The following CERS4 variants were observed in gnomAD, a reference collection of about 807,000 sequenced individuals.
CERS4 encodes ceramide synthase 4, also known as LAG1 homolog, ceramide synthase 4.
A neutral mutation model predicts 51.8 loss-of-function variants in CERS4; 65 were observed. The ratio of observed to expected loss-of-function variants is 1.26; its 90% confidence interval spans 1.03 to 1.54. CERS4 has a LOEUF of 1.54. CERS4 is among the 40% of genes most tolerant of loss of function. CERS4 has a pLI of 0.00. For missense variants in CERS4, 563 were observed against 500.4 expected, an observed-to-expected ratio of 1.13 and a Z score of -1.19; for synonymous variants, 228 against 208.4, an observed-to-expected ratio of 1.09 and a Z score of -0.81.
chr19:8,234,077 C>T (rs139702619), intron 2 of CERS4, among the ~76,000 whole-genome samples: 5,804 of 151,802 alleles, frequency 0.038, 364 homozygotes, highest in African/African-American at 0.13. Context: ...GAGGCCGAGG[C>T]GGGCGGATCA....
At chr19:8,241,874 G>A (rs1968553520) in intron 2 of CERS4, among the ~76,000 whole-genome samples, 1 of 152,158 alleles carries the variant, frequency 6.6e-6, no homozygotes, top group South Asian at 2.1e-4. Context: ...TGGGACAACT[G>A]AGGCCCAGGA....
At chr19:8,242,049 T>C (rs1055515717) in intron 2 of CERS4, among the ~76,000 whole-genome samples, 7 of 152,154 alleles carry the variant, frequency 4.6e-5, no homozygotes, top group African/African-American at 1.7e-4. Flanking sequence ...CCCTCCCATA[T>C]GCCAGACTCT....
intron 10 of CERS4, among the ~76,000 whole-genome samples, chr19:8,259,727 G>A (rs1188405177): frequency 6.6e-6 from 1 of 152,118 alleles, no homozygotes; most frequent in Admixed American, 6.5e-5. Flanking sequence ...GAGGAGACAT[G>A]GAGAAGGCAG....
At chr19:8,240,799 TCTCA>T (rs895989216) in intron 2 of CERS4, among the ~76,000 whole-genome samples, 13 of 152,208 alleles carry the variant, frequency 8.5e-5, no homozygotes, top group East Asian at 1.9e-4. Context: ...AACCAGTCCT[TCTCA>T]CTCAGACCCC....
rs1209757619 is a variant in CERS4, at chr19:8,254,578, G to C, written c.253G>C (p.Glu85Gln). 1 of 1,612,918 alleles carries C rather than the reference G, an allele frequency of 6.2e-7. No homozygotes were observed. Among genetic ancestry groups the C allele is most frequent in the South Asian group, 1.1e-5 (1 of 90,862 alleles). The change falls in exon 4 of 12, where the codon GAG becomes CAG. Residue 85 changes from glutamate to glutamine, a missense_variant. By Grantham distance (29) the Glu-to-Gln change is conservative (BLOSUM62 2). Transcript: ENST00000251363. ...RRQVKPNATLEKHFLTEGHRP... is the reference protein window; with the variant it reads ...RRQVKPNATLQKHFLTEGHRP... ...GCAAGTGAAGCCCAACGCCACGCTG[G>C]AGAAACACTTCCTCACGGAAGGGCA... is the stretch of plus-strand genomic sequence containing the variant.
chr19:8,233,992 G>GC (rs1039939098), intron 2 of CERS4, among the ~76,000 whole-genome samples: 40 of 151,408 alleles, frequency 2.6e-4, no homozygotes, highest in Middle Eastern at 3.5e-3. Flanking sequence ...TCCAGCCTGA[G>GC]CAACAGAGAC....
Position 8,246,337 on chromosome 19 carries a change from C to G in CERS4, c.-1-4739C>G, listed in dbSNP as rs185569397. Among the ~76,000 whole-genome samples, 12 of 151,954 alleles carry G rather than the reference C, an allele frequency of 7.9e-5. No homozygotes were observed. The East Asian group carries it at 2.3e-3, about 30-fold the overall frequency. ...CTTCGGGAGGCCAAGGCGGGAGGAT[C>G]GCTTGAGCCAGGGGTTTGAGACCAG... is the stretch of plus-strand genomic sequence containing the variant. On this transcript the variant is annotated intron_variant, in intron 2 of 11. Transcript: ENST00000251363.
chr19:8,245,902 CAAAAAAAAAAA>C (rs746017170), intron 2 of CERS4, among the ~76,000 whole-genome samples: 7 of 76,946 alleles, frequency 9.1e-5, no homozygotes, highest in Non-Finnish European at 1.1e-4. Context: ...GCTTTGATGA[CAAAAAAAAAAA>C]AAAAAAAAAA....
intron 8 of CERS4, 60 bp downstream of exon 8, chr19:8,256,770 G>A (rs1411671031): frequency 6.3e-6 from 10 of 1,582,148 alleles, no homozygotes; most frequent in African/African-American, 1.3e-5. Flanking sequence ...GGGTGCTGGG[G>A]GGTAGGGCAG....
intron 3 of CERS4, among the ~76,000 whole-genome samples, chr19:8,253,168 C>G: frequency 6.6e-6 from 1 of 152,362 alleles, no homozygotes; most frequent in Non-Finnish European, 1.5e-5. Context: ...GTGGTGTTGG[C>G]GCGCCCTCTT....
intron 2 of CERS4, among the ~76,000 whole-genome samples, chr19:8,226,904 G>A (rs544993789): frequency 3.9e-5 from 6 of 152,222 alleles, no homozygotes; most frequent in Admixed American, 3.9e-4. Flanking sequence ...CGAGGCAGAC[G>A]GATCACCTGA....
In CERS4 at chr19:8,235,007, C is replaced by CTTTT. The variant is rs566104740; in HGVS notation, c.-1-16066_-1-16065insTTTT. ...TGTATCTTTCTCTTTTTCTTTCTTT[C>CTTTT]TTTCTTTTTTTTTTTTTTCAGACAG... On this transcript the variant is annotated intron_variant, in intron 2 of 11. Coordinates refer to ENST00000251363, the MANE Select transcript of CERS4 (RefSeq NM_024552.3). Among the ~76,000 whole-genome samples the CTTTT allele has an allele frequency of 1.1e-3, 145 of 127,874 alleles. 3 individuals carry two copies. Among genetic ancestry groups the CTTTT allele is most frequent in the East Asian group, 2.2e-3 (9 of 4,170 alleles). The allele number at this position is 127,874 out of a possible 152,430, so 83.9% of individuals were successfully genotyped here.
At chr19:8,246,495 C>A (rs745565689) in intron 2 of CERS4, among the ~76,000 whole-genome samples, 1 of 151,486 alleles carries the variant, frequency 6.6e-6, no homozygotes, top group Non-Finnish European at 1.5e-5. Flanking sequence ...GAGGTCAAGG[C>A]TGCAGGGAGC....
intron 2 of CERS4, among the ~76,000 whole-genome samples, chr19:8,235,062 G>A (rs1283078547): frequency 7.0e-6 from 1 of 142,260 alleles, no homozygotes; most frequent in Non-Finnish European, 1.5e-5. Flanking sequence ...AGACTGGAGT[G>A]CAATGGCAGG....
intron 2 of CERS4, among the ~76,000 whole-genome samples, chr19:8,219,067 C>T (rs554073617): frequency 1.1e-3 from 169 of 152,116 alleles, no homozygotes; most frequent in African/African-American, 3.9e-3. Flanking sequence ...ATTAGCTGGG[C>T]ATGGTGGCGG....
intron 2 of CERS4, among the ~76,000 whole-genome samples, chr19:8,236,711 A>G (rs1236752328): frequency 4.4e-5 from 6 of 137,714 alleles, no homozygotes; most frequent in African/African-American, 1.6e-4. Context: ...AGAAAGAAAG[A>G]AAAAACAGGG....
At chr19:8,232,519 C>T (rs1161135683) in intron 2 of CERS4, among the ~76,000 whole-genome samples, 1 of 151,548 alleles carries the variant, frequency 6.6e-6, no homozygotes. Flanking sequence ...CTCGAACTCC[C>T]GACCTCAGAT....
intron 2 of CERS4, among the ~76,000 whole-genome samples, chr19:8,245,122 A>ACAAAAAAAC (rs755450125): frequency 0.13 from 16,673 of 129,190 alleles, 1,440 homozygotes; most frequent in Non-Finnish European, 0.16. Context: ...AAAAAAAAAA[A>ACAAAAAAAC]AAAAAAAAAA....
At chr19:8,261,608 C>T in intron 10 of CERS4, 80 bp from the exon 11 acceptor site, 2 of 1,536,386 alleles carry the variant, frequency 1.3e-6, no homozygotes, top group Non-Finnish European at 1.8e-6. Flanking sequence ...CAGGGAAGGC[C>T]ATGCCAGTTA....
Sources: allele counts gnomAD v4.1 joint callset (sites outside exome capture counted in the v4.1 genomes callset), GRCh38; gene constraint gnomAD v4.1.1; transcripts MANE v1.5; gene names NCBI Gene and HGNC (gene_info 2026-07-23, HGNC 2026-07-21).